Variants in SEC24A observed in about 807,000 individuals in gnomAD.
SEC24A encodes protein transport protein Sec24A.
Under a neutral mutation model 129.4 loss-of-function variants are expected in SEC24A, and 93 were observed. The ratio of observed to expected loss-of-function variants is 0.72; its 90% CI spans 0.61 to 0.85. SEC24A has a LOEUF of 0.85. SEC24A is among the 40% of genes least tolerant of loss of function. The pLI is 0.00. For synonymous variants in SEC24A, 460 were observed against 467.3 expected (o/e 0.98, Z 0.20); for missense variants, 1,264 against 1,307.4 (o/e 0.97, Z 0.51).
intron 1 of SEC24A, 71 bp from the exon 2 acceptor site, chr5:134,661,041 GAATATAT>G: frequency 2.0e-6 from 2 of 1,023,954 alleles, no homozygotes; most frequent in Non-Finnish European, 2.9e-6. Flanking sequence ...CTGACTGTAA[GAATATAT>G]GTTTTACTTT....
intron 9 of SEC24A, among the ~76,000 whole-genome samples, chr5:134,683,386 A>G (rs935265124): frequency 6.2e-4 from 94 of 152,040 alleles, no homozygotes; most frequent in African/African-American, 2.1e-3. Context: ...CCTTCATACA[A>G]ATTTTTTTTC....
At chr5:134,720,575 A>G (rs766595610) in intron 20 of SEC24A, among the ~76,000 whole-genome samples, 5 of 152,166 alleles carry the variant, frequency 3.3e-5, no homozygotes, top group Non-Finnish European at 5.9e-5. Flanking sequence ...AGGCTGTACA[A>G]TCTCACTAAA....
In SEC24A at chr5:134,652,973, T is replaced by A. The variant is rs898038788; in HGVS notation, c.97+3800T>A. ...CCACACCCGGCTAATTTTTTGTATT[T>A]TTTTTTTTTTTTTAGTAGAGACAGC... On this transcript the variant is annotated intron_variant, in intron 1 of 22. Coordinates refer to ENST00000398844, the MANE Select transcript of SEC24A (RefSeq NM_021982.3). 3.9e-4 allele frequency among the ~76,000 whole-genome samples: 59 copies of A among 150,846 alleles called. 1 individual carries two copies. The highest frequency in any genetic ancestry group is 5.3e-4 in the Non-Finnish European group (36 of 67,558).
At chr5:134,694,476 T>C (rs1268485788) in intron 13 of SEC24A, among the ~76,000 whole-genome samples, 1 of 151,618 alleles carries the variant, frequency 6.6e-6, no homozygotes, top group African/African-American at 2.4e-5. Flanking sequence ...TGAAACCCCA[T>C]CTCTACTAAA....
Position 134,693,857 on chromosome 5 carries a change from T to G in SEC24A, c.1910T>G (p.Phe637Cys). The change falls in exon 13 of 23, where the codon TTT becomes TGT. Residue 637 changes from phenylalanine (F) to cysteine (C), a missense_variant. Coordinates refer to ENST00000398844, the MANE Select transcript of SEC24A (RefSeq NM_021982.3). Reference sequence around the variant, plus strand: ...CCAACTGGTGGTCGAATGTCTGTCTTTCAAACACAACTCCCAACTCTTGGA... The same window carrying G: ...CCAACTGGTGGTCGAATGTCTGTCTGTCAAACACAACTCCCAACTCTTGGA... ...MSPTGGRMSVFQTQLPTLGVG... is the reference protein window; with the variant it reads ...MSPTGGRMSVCQTQLPTLGVG... The G allele has an allele frequency of 6.2e-7, 1 of 1,614,098 alleles. No individual in the cohort carries two copies.
At chr5:134,668,594 C>T (rs1326457055) in intron 3 of SEC24A, among the ~76,000 whole-genome samples, 4 of 152,166 alleles carry the variant, frequency 2.6e-5, no homozygotes, top group East Asian at 1.9e-4. Context: ...GGCATAGTGG[C>T]GGGCACCTGT....
intron 1 of SEC24A, among the ~76,000 whole-genome samples, chr5:134,659,749 T>C (rs998494271): frequency 6.6e-6 from 1 of 151,504 alleles, no homozygotes; most frequent in Non-Finnish European, 1.5e-5. Context: ...TAACCTCCTG[T>C]GCTCAGTGAT....
chr5:134,707,744 T>C (rs1010907768), intron 17 of SEC24A, among the ~76,000 whole-genome samples: 2 of 152,192 alleles, frequency 1.3e-5, no homozygotes, highest in African/African-American at 4.8e-5. Context: ...TTTGTAAGTA[T>C]TGGTTCTGCT....
At chr5:134,674,830 A>G in intron 5 of SEC24A, 55 bp downstream of exon 5, 1 of 1,487,466 alleles carries the variant, frequency 6.7e-7, no homozygotes, top group Admixed American at 2.1e-5. Context: ...TAAACTGTAT[A>G]CACATGAAGA....
intron 1 of SEC24A, among the ~76,000 whole-genome samples, 155 bp from the exon 2 acceptor site, chr5:134,660,964 G>A (rs1459657619): frequency 6.6e-6 from 1 of 152,166 alleles, no homozygotes; most frequent in East Asian, 1.9e-4. Flanking sequence ...TATCTTCTTT[G>A]GAAGTATGTT....
chr5:134,661,545 C>T lies in SEC24A; in HGVS notation c.524C>T (p.Ser175Phe). The change falls in exon 2 of 23, where the codon TCT (serine) becomes TTT (phenylalanine). Residue 175 changes from serine (S) to phenylalanine (F), a missense_variant. Ser to Phe is a radical substitution (Grantham distance 155, BLOSUM62 -2). Coordinates refer to ENST00000398844, the MANE Select transcript of SEC24A (RefSeq NM_021982.3). ...TSLTTNHQYV[S>F]SGYPSLQNSF... Reference sequence around the variant, plus strand: ...TTAACCACAAATCATCAATATGTTTCTTCTGGATATCCTTCACTTCAAAAT... The same window carrying T: ...TTAACCACAAATCATCAATATGTTTTTTCTGGATATCCTTCACTTCAAAAT... The T allele has an allele frequency of 6.2e-7, 1 of 1,613,962 alleles. No individual in the cohort carries two copies. Among genetic ancestry groups the T allele is most frequent in the Non-Finnish European group, 8.5e-7 (1 of 1,179,830 alleles).
In SEC24A at chr5:134,725,836, C is replaced by G. The variant is rs1010758363; in HGVS notation, c.*742C>G. ...CTATAGTGAAAAGAATTTGAGCTGT[C>G]TTCATAAACACTGGGACTAGCAATG... On this transcript the variant is annotated 3_prime_UTR_variant, in exon 23 of 23. Coordinates refer to ENST00000398844, the MANE Select transcript of SEC24A (RefSeq NM_021982.3). The G allele has an allele frequency of 5.9e-5, 9 of 152,564 alleles. No individual in the cohort carries two copies. The highest frequency in any genetic ancestry group is 1.9e-4 in the African/African-American group (8 of 41,562). The allele number at this position is 152,564 out of a possible 1,614,324, so 9.5% of individuals were successfully genotyped here.
chr5:134,687,477 C>G (rs1221560436), intron 10 of SEC24A, among the ~76,000 whole-genome samples: 1 of 152,120 alleles, frequency 6.6e-6, no homozygotes, highest in Non-Finnish European at 1.5e-5. Flanking sequence ...TGCTTAGAGA[C>G]CTAGTGTAAC....
rs543694308 is a variant in SEC24A, at chr5:134,699,391, TG to T, written c.2266+1337del. On this transcript the variant is annotated intron_variant, in intron 15 of 22. Transcript: ENST00000398844. ...TCAGCTCACTGCAAGCTCCGCCTCC[TG>T]GGTTCATGCCATTCTCCTGCCTCAG... 3.5e-3 allele frequency among the ~76,000 whole-genome samples: 525 copies of T among 151,220 alleles called. 3 individuals are homozygous for T. The highest frequency in any genetic ancestry group is 0.012 in the African/African-American group (502 of 41,108).
intron 2 of SEC24A, among the ~76,000 whole-genome samples, chr5:134,664,061 A>T (rs2150074261): frequency 6.6e-6 from 1 of 152,224 alleles, no homozygotes; most frequent in East Asian, 1.9e-4. Context: ...CAGTGAGCTG[A>T]GATTGCACCA....
At position 134,667,011 on chromosome 5, in the gene SEC24A, A is replaced by T; in HGVS notation, c.739+15A>T. Reference sequence around the variant, plus strand: ...CAACCAAGAAGGTAAGTGAACCAAGAAACAAAGTCAAATCCTCAAGTTTTG... The same window carrying T: ...CAACCAAGAAGGTAAGTGAACCAAGTAACAAAGTCAAATCCTCAAGTTTTG... On this transcript the variant is annotated intron_variant, in intron 3 of 22. Transcript: ENST00000398844. 2 of 1,528,102 alleles carry T rather than the reference A, an allele frequency of 1.3e-6. No homozygotes were observed. The highest frequency in any genetic ancestry group is 1.8e-4 in the Middle Eastern group (1 of 5,664). 94.7% of individuals were successfully genotyped at this position (1,528,102 alleles called of 1,614,324 possible).
intron 8 of SEC24A, among the ~76,000 whole-genome samples, chr5:134,681,150 C>T (rs1751254398): frequency 6.7e-6 from 1 of 150,096 alleles, no homozygotes; most frequent in Admixed American, 6.6e-5. Context: ...GTAATCCCAA[C>T]ACTTTGGGAG....
chr5:134,664,710 T>C (rs1437263370), intron 2 of SEC24A, among the ~76,000 whole-genome samples: 4 of 151,992 alleles, frequency 2.6e-5, no homozygotes, highest in South Asian at 2.1e-4. Context: ...ATGGCAATAA[T>C]CTTTGTCTTC....
rs750047499 is a variant in SEC24A at position 134,671,903 on chromosome 5, GT to G, written c.817+27del. The stretch of plus-strand genomic sequence containing the variant: ...GCTTATTGGGTGAGATGCTATGAAA[GT>G]TTTTTTTTTAATCTCTTTTTTCTGA... On this transcript the variant is annotated intron_variant, in intron 4 of 22. Coordinates refer to ENST00000398844, the MANE Select transcript of SEC24A (RefSeq NM_021982.3). 1,561 of 1,417,550 alleles carry G rather than the reference GT, an allele frequency of 1.1e-3. No individual in the cohort carries two copies. Among genetic ancestry groups the G allele is most frequent in the Non-Finnish European group, 1.3e-3 (1,317 of 1,034,528 alleles). The allele number at this position is 1,417,550 out of a possible 1,614,324, so 87.8% of individuals were successfully genotyped here. A position where few individuals can be genotyped will look rare whatever the true frequency, so the allele number is the denominator to read the frequency against.
Sources: gnomAD v4.1 joint callset for allele counts (sites outside exome capture counted in the v4.1 genomes callset) on GRCh38, gnomAD v4.1.1 for gene constraint, MANE v1.5 for transcripts, NCBI Gene and HGNC (gene_info 2026-07-23, HGNC 2026-07-21) for gene names.